Variants in WFDC1 observed in about 807,000 individuals in gnomAD.
The protein encoded by WFDC1 is WAP four-disulfide core domain 1, also known as WAP four-disulfide core domain protein 1.
In WFDC1, 39 loss-of-function variants were observed where a neutral mutation model predicts 32.9. The observed-to-expected ratio is 1.19, with a 90% CI of 0.92 to 1.55. The LOEUF is 1.55. Among genes scored for constraint, WFDC1 ranks in the 40% most tolerant of loss-of-function variants. The pLI is 0.00. For missense variants in WFDC1, 386 were observed against 309.5 expected (o/e 1.25, Z -1.85); for synonymous variants, 184 against 137.4 (o/e 1.34, Z -2.37).
At chr16:84,297,645 A>ATAAAAC (rs572290089) in intron 1 of WFDC1, among the ~76,000 whole-genome samples, 2 of 136,110 alleles carry the variant, frequency 1.5e-5, no homozygotes, top group African/African-American at 2.8e-5. Flanking sequence ...AAAAAAAAAA[A>ATAAAAC]AACTGTGCCT....
chr16:84,315,630 C>A (rs910925526), intron 2 of WFDC1, among the ~76,000 whole-genome samples: 3 of 152,210 alleles, frequency 2.0e-5, no homozygotes, highest in Non-Finnish European at 4.4e-5. Context: ...GGCGCTCTCC[C>A]GTGCACTGTA....
intron 2 of WFDC1, among the ~76,000 whole-genome samples, chr16:84,313,419 G>A (rs1025583423): frequency 3.9e-5 from 6 of 152,234 alleles, no homozygotes; most frequent in Admixed American, 3.9e-4. Flanking sequence ...ATGAAAATGG[G>A]ATGGGGGCAG....
intron 4 of WFDC1, 81 bp downstream of exon 4, chr16:84,319,652 G>A (rs756403181): frequency 3.0e-5 from 47 of 1,541,610 alleles, no homozygotes; most frequent in East Asian, 1.4e-4. Flanking sequence ...CCGCATGGAC[G>A]ACCTGCCCCA....
intron 1 of WFDC1, among the ~76,000 whole-genome samples, chr16:84,301,650 G>A (rs887448878): frequency 6.6e-5 from 10 of 152,180 alleles, no homozygotes; most frequent in Non-Finnish European, 1.2e-4. Flanking sequence ...CCTGGGTGCT[G>A]GAGAGAGGGG....
chr16:84,294,919 C>T lies in WFDC1; in HGVS notation c.-53C>T, dbSNP rs993200821. Reference sequence around the variant, plus strand: ...TGTCCCCACTCACAGGCCCACGCAGCGAGGGGGGCCCCTCTTCTGTGTGCG... The same window carrying T: ...TGTCCCCACTCACAGGCCCACGCAGTGAGGGGGGCCCCTCTTCTGTGTGCG... On this transcript the variant is annotated 5_prime_UTR_variant, in exon 1 of 7. Transcript: ENST00000219454. 11 of 1,579,162 alleles carry T rather than the reference C, an allele frequency of 7.0e-6. No homozygotes were observed. Among genetic ancestry groups the T allele is most frequent in the East Asian group, 2.2e-5 (1 of 44,608 alleles).
chr16:84,313,191 G>A, intron 2 of WFDC1, 38 bp downstream of exon 2: 1 of 1,390,920 alleles, frequency 7.2e-7, no homozygotes, highest in Non-Finnish European at 9.3e-7. Flanking sequence ...TGAGGGAGGA[G>A]GACAGGTGAA....
chr16:84,299,697 G>A (rs1225047797), intron 1 of WFDC1, among the ~76,000 whole-genome samples: 4 of 152,212 alleles, frequency 2.6e-5, no homozygotes, highest in East Asian at 3.9e-4. Context: ...CCCCTGGCCT[G>A]GGCAGGCTGG....
chr16:84,308,623 C>A (rs1242271282), intron 1 of WFDC1, among the ~76,000 whole-genome samples: 1 of 152,210 alleles, frequency 6.6e-6, no homozygotes, highest in Non-Finnish European at 1.5e-5. Flanking sequence ...AGATGCCAGC[C>A]TGAGTGTAGA....
At chr16:84,322,160 C>CGTGTGTGTGTGTGTGT (rs10687228) in intron 4 of WFDC1, among the ~76,000 whole-genome samples, 9,129 of 142,138 alleles carry the variant, frequency 0.064, 427 homozygotes, top group Non-Finnish European at 0.09. Context: ...TGTGTGTGTG[C>CGTGTGTGTGTGTGTGT]GTGTGTGTGT....
intron 5 of WFDC1, 128 bp downstream of exon 5, chr16:84,324,588 A>T: frequency 9.4e-7 from 1 of 1,062,296 alleles, no homozygotes. Context: ...TGGGATTAAG[A>T]AACAAAATAG....
chr16:84,312,859 C>G (rs1907715516), intron 1 of WFDC1, 102 bp from the exon 2 acceptor site: 1 of 692,426 alleles, frequency 1.4e-6, no homozygotes, highest in Non-Finnish European at 1.9e-6. Context: ...GAAACGCAGG[C>G]TCAGAGAGGC....
At chr16:84,312,096 T>G (rs62050691) in intron 1 of WFDC1, among the ~76,000 whole-genome samples, 8,823 of 151,856 alleles carry the variant, frequency 0.058, 765 homozygotes, top group African/African-American at 0.2. Context: ...ACCCAGGAGG[T>G]GGAGGTTGTG....
intron 1 of WFDC1, among the ~76,000 whole-genome samples, chr16:84,311,925 G>A (rs1907653309): frequency 6.6e-6 from 1 of 151,972 alleles, no homozygotes; most frequent in Non-Finnish European, 1.5e-5. Flanking sequence ...CAGCACTTTG[G>A]GAGGCTGAGG....
intron 2 of WFDC1, 60 bp downstream of exon 2, chr16:84,313,213 C>CG (rs1257969946): frequency 6.0e-6 from 8 of 1,324,566 alleles, no homozygotes; most frequent in Non-Finnish European, 7.7e-6. Context: ...AGAGCTGTCC[C>CG]GGGGGAGGGG....
chr16:84,318,817 C>G, intron 3 of WFDC1: 1 of 216,722 alleles, frequency 4.6e-6, no homozygotes, highest in Non-Finnish European at 9.5e-6. Flanking sequence ...GCTTCTGACT[C>G]CACGTCCATC....
At chr16:84,304,402 T>C (rs765453784) in intron 1 of WFDC1, among the ~76,000 whole-genome samples, 4 of 152,204 alleles carry the variant, frequency 2.6e-5, no homozygotes, top group South Asian at 2.1e-4. Flanking sequence ...CTAGTTTTTG[T>C]ATTTTTAGTA....
At chr16:84,317,226 G>C (rs1469508540) in intron 2 of WFDC1, 1 of 152,106 alleles carries the variant, frequency 6.6e-6, no homozygotes, top group African/African-American at 2.4e-5. Context: ...CTGGGAGGCA[G>C]AGGTTGCAAT....
chr16:84,320,108 A>G (rs949777672), intron 4 of WFDC1, among the ~76,000 whole-genome samples: 1 of 152,208 alleles, frequency 6.6e-6, no homozygotes, highest in Non-Finnish European at 1.5e-5. Context: ...TTCCCATCCA[A>G]CCATTCTGTT....
intron 4 of WFDC1, among the ~76,000 whole-genome samples, chr16:84,320,325 A>T (rs978761001): frequency 4.6e-5 from 7 of 152,202 alleles, no homozygotes; most frequent in African/African-American, 1.7e-4. Context: ...TGTAGGGGGT[A>T]TATCAGTACA....
Sources: gnomAD v4.1 joint callset for allele counts (sites outside exome capture counted in the v4.1 genomes callset) on GRCh38, gnomAD v4.1.1 for gene constraint, MANE v1.5 for transcripts, NCBI Gene and HGNC (gene_info 2026-07-23, HGNC 2026-07-21) for gene names.